Variants in CEP126 observed in about 807,000 individuals in gnomAD.
The protein encoded by CEP126 is centrosomal protein of 126 kDa.
Under a neutral mutation model 107.8 loss-of-function variants are expected in CEP126, and 74 were observed. The observed-to-expected ratio is 0.69, with a 90% confidence interval of 0.57 to 0.83. The LOEUF is 0.83. Among genes scored for constraint, CEP126 ranks in the 40% least tolerant of loss-of-function variants. CEP126 has a pLI of 0.00. For synonymous variants in CEP126, 449 were observed against 446.0 expected (o/e 1.01, Z -0.08); for missense variants, 1,237 against 1,281.9 (o/e 0.96, Z 0.53).
At chr11:101,970,752 T>G (rs1392088511) in intron 6 of CEP126, among the ~76,000 whole-genome samples, 1 of 152,216 alleles carries the variant, frequency 6.6e-6, no homozygotes, top group Non-Finnish European at 1.5e-5. Flanking sequence ...AGGTAACATT[T>G]ATTATGTTCC....
At chr11:101,929,537 C>T (rs1264260848) in intron 2 of CEP126, among the ~76,000 whole-genome samples, 1 of 152,152 alleles carries the variant, frequency 6.6e-6, no homozygotes, top group Non-Finnish European at 1.5e-5. Flanking sequence ...ATTGATACCA[C>T]AGTGGAGGTG....
intron 9 of CEP126, among the ~76,000 whole-genome samples, chr11:101,988,333 A>G (rs565338915): frequency 6.6e-6 from 1 of 152,334 alleles, no homozygotes; most frequent in East Asian, 1.9e-4. Flanking sequence ...TTAGTAAACT[A>G]GATTATGAAT....
intron 10 of CEP126, 31 bp downstream of exon 10, chr11:101,992,873 G>A: frequency 6.7e-7 from 1 of 1,481,824 alleles, no homozygotes; most frequent in Non-Finnish European, 8.9e-7. Context: ...TTTTTTTCTT[G>A]TTTTAGGAAA....
At position 101,963,739 on chromosome 11, in the gene CEP126, G is replaced by A. The variant is rs1270496498; in HGVS notation, c.2704G>A (p.Asp902Asn). Residue 902 changes from aspartate to asparagine, a missense_variant, in exon 6 of 11, where the codon GAT becomes AAT. Transcript: ENST00000263468. Reference protein sequence around the residue: ...SNGTQAVARQDATLYCTQRSP... With the variant: ...SNGTQAVARQNATLYCTQRSP... ...TGGCACTCAAGCAGTTGCCCGGCAA[G>A]ATGCGACATTATATTGCACCCAAAG... is the stretch of plus-strand genomic sequence containing the variant. 1.9e-6 allele frequency: 3 copies of A among 1,613,982 alleles called. No homozygotes were observed. Among genetic ancestry groups the A allele is most frequent in the Non-Finnish European group, 2.5e-6 (3 of 1,180,032 alleles).
chr11:101,959,290 G>A lies in CEP126; in HGVS notation c.705+924G>A, dbSNP rs561952615. On this transcript the variant is annotated intron_variant, in intron 5 of 10. Coordinates refer to ENST00000263468, the MANE Select transcript of CEP126 (RefSeq NM_020802.4). The stretch of plus-strand genomic sequence containing the variant: ...TCCTGCCTCACCTCCCGAGTAGCTG[G>A]GACTACAGGTGCCCGCCACCACGCC... Among the ~76,000 whole-genome samples the A allele has an allele frequency of 1.3e-3, 197 of 151,910 alleles. 2 individuals are homozygous for A. Among genetic ancestry groups the A allele is most frequent in the Middle Eastern group, 0.01 (3 of 294 alleles).
At chr11:101,965,607 C>A (rs1941049004) in intron 6 of CEP126, among the ~76,000 whole-genome samples, 1 of 152,062 alleles carries the variant, frequency 6.6e-6, no homozygotes, top group African/African-American at 2.4e-5. Flanking sequence ...CTTTAGCTTT[C>A]ACAACACTTC....
At chr11:101,972,050 G>T (rs939528632) in intron 6 of CEP126, among the ~76,000 whole-genome samples, 1 of 151,768 alleles carries the variant, frequency 6.6e-6, no homozygotes, top group African/African-American at 2.4e-5. Context: ...GGAGGTTGCA[G>T]TGAGCCAAGA....
intron 8 of CEP126, among the ~76,000 whole-genome samples, chr11:101,982,652 G>A (rs1941270446): frequency 6.6e-6 from 1 of 152,024 alleles, no homozygotes. Context: ...CTACTTGCAT[G>A]TTATTCTACT....
rs371688708 is a variant in CEP126, at chr11:101,978,401, T to C, written c.2900T>C (p.Leu967Ser). 11 of 1,613,580 alleles carry C rather than the reference T, an allele frequency of 6.8e-6. No homozygotes were observed. The highest frequency in any genetic ancestry group is 1.6e-4 in the Middle Eastern group (1 of 6,080). ...GCTGAAACTAAGCGGAGAAATATTT[T>C]AGAGCAGAAAAGACAAAACCCTGGA... ...RIAETKRRNI[L>S]EQKRQNPGSV... Residue 967 changes from leucine (L) to serine (S), a missense_variant, in exon 7 of 11, where the codon TTA becomes TCA. Leu to Ser is a moderately radical substitution (Grantham distance 145). This residue lies in a region of CEP126 where 1,134 missense variants were observed against 1,150.5 expected (regional missense o/e 0.99). Transcript: ENST00000263468.
chr11:101,989,209 GA>G (rs536392340), intron 9 of CEP126, among the ~76,000 whole-genome samples: 15 of 151,254 alleles, frequency 9.9e-5, no homozygotes, highest in African/African-American at 3.4e-4. Flanking sequence ...TGATTCTGAA[GA>G]AAAAAAATAA....
At position 101,963,250 on chromosome 11, in the gene CEP126, C is replaced by T; in HGVS notation, c.2215C>T (p.His739Tyr). ...AAAAGAAGAAAGTAAAATCCCTGTACATGATGATTCTAAAACTAAGCAAGG... is the reference window on the plus strand; with the variant it reads ...AAAAGAAGAAAGTAAAATCCCTGTATATGATGATTCTAAAACTAAGCAAGG... ...SKKEESKIPV[H>Y]DDSKTKQGKP... The change falls in exon 6 of 11, where the codon CAT (histidine) becomes TAT (tyrosine). Residue 739 changes from histidine (H) to tyrosine (Y), a missense_variant. By Grantham distance (83) the His-to-Tyr change is moderately conservative (BLOSUM62 2). This residue lies in a region of CEP126 where 1,134 missense variants were observed against 1,150.5 expected (regional missense o/e 0.99). Transcript: ENST00000263468. 1 of 1,613,924 alleles carries T rather than the reference C, an allele frequency of 6.2e-7. No homozygotes were observed. The highest frequency in any genetic ancestry group is 8.5e-7 in the Non-Finnish European group (1 of 1,179,996).
intron 6 of CEP126, among the ~76,000 whole-genome samples, chr11:101,975,261 C>T (rs1941180625): frequency 6.6e-6 from 1 of 151,804 alleles, no homozygotes; most frequent in African/African-American, 2.4e-5. Flanking sequence ...CGACTGGTAA[C>T]CAGTATTTTT....
At chr11:101,968,333 C>T (rs1478662255) in intron 6 of CEP126, among the ~76,000 whole-genome samples, 4 of 152,096 alleles carry the variant, frequency 2.6e-5, no homozygotes, top group Admixed American at 2.0e-4. Flanking sequence ...TATCTCAACT[C>T]TATATATCTT....
chr11:101,963,902 T>C, intron 6 of CEP126, 22 bp downstream of exon 6: 1 of 1,480,590 alleles, frequency 6.8e-7, no homozygotes, highest in Non-Finnish European at 9.2e-7. Flanking sequence ...TTTATAGCTT[T>C]TTATAGATAA....
intron 2 of CEP126, among the ~76,000 whole-genome samples, chr11:101,925,315 C>T (rs146002115): frequency 2.2e-4 from 33 of 152,170 alleles, no homozygotes; most frequent in Non-Finnish European, 3.7e-4. Flanking sequence ...TTATTTCCTG[C>T]TTTTTCAGTC....
chr11:101,989,730 C>G (rs961250702), intron 9 of CEP126, among the ~76,000 whole-genome samples: 3 of 152,106 alleles, frequency 2.0e-5, no homozygotes, highest in African/African-American at 7.2e-5. Flanking sequence ...GAGGCCGAGG[C>G]GGGCGGATCA....
intron 9 of CEP126, among the ~76,000 whole-genome samples, chr11:101,988,958 T>TA (rs1048252491): frequency 1.3e-4 from 20 of 152,182 alleles, no homozygotes; most frequent in Admixed American, 1.2e-3. Flanking sequence ...GAATAGATTT[T>TA]AAAAATCAAA....
At chr11:101,992,752 T>TTGGTA in intron 9 of CEP126, 26 bp from the exon 10 acceptor site, 1 of 1,211,048 alleles carries the variant, frequency 8.3e-7, no homozygotes, top group Non-Finnish European at 1.2e-6. Flanking sequence ...CTAAATTATT[T>TTGGTA]TGGTATTGTG....
At chr11:101,982,037 G>T in intron 8 of CEP126, 73 bp downstream of exon 8, 2 of 771,666 alleles carry the variant, frequency 2.6e-6, no homozygotes, top group South Asian at 3.3e-5. Flanking sequence ...CCTATTCTCA[G>T]ATGCTAACGT....
Sources: gnomAD v4.1 joint callset for allele counts (sites outside exome capture counted in the v4.1 genomes callset) on GRCh38, gnomAD v4.1.1 for gene constraint, gnomAD v4.1.1 regional missense constraint, MANE v1.5 for transcripts, NCBI Gene and HGNC (gene_info 2026-07-23, HGNC 2026-07-21) for gene names.